The following BNC2 variants were observed in gnomAD, a reference collection of about 807,000 sequenced individuals.
The protein encoded by BNC2 is basonuclin zinc finger protein 2.
BNC2 carries 20 observed loss-of-function variants against 76.3 expected under a neutral mutation model. The observed-to-expected ratio is 0.26, with a 90% CI of 0.18 to 0.38. The LOEUF is 0.38. BNC2 is among the 10% of genes least tolerant of loss of function. The pLI is 1.00. For synonymous variants in BNC2, 582 were observed against 514.8 expected (o/e 1.13, Z -1.77); for missense variants, 1,382 against 1,399.8 (o/e 0.99, Z 0.20).
At chr9:16,778,767 G>A (rs927207696) in intron 1 of BNC2, among the ~76,000 whole-genome samples, 1 of 152,076 alleles carries the variant, frequency 6.6e-6, no homozygotes, top group Admixed American at 6.6e-5. Flanking sequence ...AATCTCAGAT[G>A]CCCAAACAAC....
intron 1 of BNC2, among the ~76,000 whole-genome samples, chr9:16,817,150 AG>A (rs1334490348): frequency 1.3e-5 from 2 of 152,220 alleles, no homozygotes; most frequent in African/African-American, 4.8e-5. Context: ...AGTAGCTGGA[AG>A]GGATCTCAGG....
At chr9:16,641,483 A>C (rs560677378) in intron 3 of BNC2, among the ~76,000 whole-genome samples, 4 of 152,336 alleles carry the variant, frequency 2.6e-5, no homozygotes, top group African/African-American at 9.6e-5. Flanking sequence ...AAATAGGTTT[A>C]CTATCCCAAT....
chr9:16,575,218 C>G, intron 4 of BNC2: 1 of 963,410 alleles, frequency 1.0e-6, no homozygotes, highest in African/African-American at 1.8e-5. Flanking sequence ...TGTAAACAGT[C>G]TCATTCAAGA....
chr9:16,538,413 A>G (rs1418871807), intron 5 of BNC2, among the ~76,000 whole-genome samples: 1 of 152,130 alleles, frequency 6.6e-6, no homozygotes, highest in African/African-American at 2.4e-5. Context: ...AATTGGCCCA[A>G]TTACTCCCCA....
chr9:16,494,790 T>G (rs892829077), intron 5 of BNC2, among the ~76,000 whole-genome samples: 1 of 151,652 alleles, frequency 6.6e-6, no homozygotes. Flanking sequence ...TGAGAACACA[T>G]GGACACAGGG....
chr9:16,685,708 G>A, intron 3 of BNC2: 1 of 995,166 alleles, frequency 1.0e-6, no homozygotes, highest in South Asian at 1.3e-5. Flanking sequence ...CCCAGGCAGA[G>A]AGAGGAAATC....
intron 1 of BNC2, among the ~76,000 whole-genome samples, chr9:16,819,499 C>T (rs776223435): frequency 6.6e-6 from 1 of 152,016 alleles, no homozygotes; most frequent in Non-Finnish European, 1.5e-5. Context: ...CACGTCTCTA[C>T]TAAAAATACA....
chr9:16,580,314 T>C (rs1819598824), intron 4 of BNC2, among the ~76,000 whole-genome samples: 1 of 152,080 alleles, frequency 6.6e-6, no homozygotes. Flanking sequence ...GTGTATGCAT[T>C]TTGAGCTGTA....
intron 6 of BNC2, among the ~76,000 whole-genome samples, chr9:16,435,291 C>T (rs1036251352): frequency 6.6e-6 from 1 of 152,104 alleles, no homozygotes. Context: ...AAAACACATA[C>T]ACACACGTAT....
chr9:16,583,121 G>A (rs1422026763), intron 3 of BNC2, 36 bp from the exon 4 acceptor site: 62 of 1,508,858 alleles, frequency 4.1e-5, no homozygotes, highest in Non-Finnish European at 5.6e-5. Flanking sequence ...GTCAGCATCT[G>A]TTCAAAGATA....
chr9:16,729,299 T>A (rs1346702167), intron 2 of BNC2, among the ~76,000 whole-genome samples: 3 of 152,168 alleles, frequency 2.0e-5, no homozygotes, highest in Non-Finnish European at 4.4e-5. Flanking sequence ...ACTTAACATG[T>A]AAGGAACATT....
chr9:16,585,571 G>T (rs1447681215), intron 3 of BNC2, among the ~76,000 whole-genome samples: 1 of 152,086 alleles, frequency 6.6e-6, no homozygotes, highest in African/African-American at 2.4e-5. Flanking sequence ...AATATTTTGA[G>T]TAAGAGACTA....
chr9:16,489,641 T>G (rs975862878), intron 5 of BNC2, among the ~76,000 whole-genome samples: 2 of 152,210 alleles, frequency 1.3e-5, no homozygotes, highest in African/African-American at 4.8e-5. Flanking sequence ...TCACCCATCT[T>G]CAAAGCCTCT....
At chr9:16,800,178 T>G (rs1164968943) in intron 1 of BNC2, among the ~76,000 whole-genome samples, 1 of 151,392 alleles carries the variant, frequency 6.6e-6, no homozygotes. Flanking sequence ...TGAGCCGAGA[T>G]TGCACCACTG....
chr9:16,569,003 G>GTTT (rs373012680), intron 4 of BNC2, among the ~76,000 whole-genome samples: 2,117 of 135,706 alleles, frequency 0.016, 63 homozygotes, highest in African/African-American at 0.053. Flanking sequence ...TGCTTCTAGA[G>GTTT]TTTTTTTTTT....
At position 16,419,144 on chromosome 9, in the gene BNC2, T is replaced by A; in HGVS notation, c.3145A>T (p.Thr1049Ser). ...ACAGTTTTGTAGTGCACTCTCAGGG[T>A]CCCCTTGTTGCTGTACATTTTGTGG... is the stretch of plus-strand genomic sequence containing the variant. Reference protein sequence around the residue: ...ICHKMYSNKGTLRVHYKTVHL... With the variant: ...ICHKMYSNKGSLRVHYKTVHL... Residue 1049 changes from threonine to serine, a missense_variant, in exon 7 of 7, where the codon ACC becomes TCC. Around this residue, in one of 3 missense-constraint regions of BNC2, gnomAD observed 798 missense variants for 775.5 expected, o/e 1.03. Transcript: ENST00000380672. The A allele has an allele frequency of 6.2e-7, 1 of 1,614,156 alleles. No homozygotes were observed. Among genetic ancestry groups the A allele is most frequent in the South Asian group, 1.1e-5 (1 of 91,084 alleles).
At chr9:16,442,063 T>C (rs902158489) in intron 5 of BNC2, among the ~76,000 whole-genome samples, 2 of 152,210 alleles carry the variant, frequency 1.3e-5, no homozygotes, top group African/African-American at 4.8e-5. Context: ...TCAATTCTTT[T>C]AGGTTTTCCC....
chr9:16,730,210 C>T (rs577692577), intron 2 of BNC2, among the ~76,000 whole-genome samples: 8 of 152,240 alleles, frequency 5.3e-5, no homozygotes, highest in African/African-American at 1.2e-4. Context: ...TGAAATTCCC[C>T]GTGGACCGGG....
At chr9:16,813,328 C>G (rs554000795) in intron 1 of BNC2, among the ~76,000 whole-genome samples, 28 of 151,286 alleles carry the variant, frequency 1.9e-4, no homozygotes, top group Admixed American at 1.1e-3. Context: ...TGCAGTGGTG[C>G]GATCTCGGCT....
Sources: gnomAD v4.1 joint callset for allele counts (sites outside exome capture counted in the v4.1 genomes callset) on GRCh38, gnomAD v4.1.1 for gene constraint, gnomAD v4.1.1 regional missense constraint, MANE v1.5 for transcripts, NCBI Gene and HGNC (gene_info 2026-07-23, HGNC 2026-07-21) for gene names.